Variants in OCA2 observed in about 807,000 individuals in gnomAD.
OCA2 encodes the protein OCA2 melanosomal transmembrane protein.
A neutral mutation model predicts 100.2 loss-of-function variants in OCA2; 77 were observed. That is an observed-to-expected ratio of 0.77 (90% CI 0.64 to 0.93). The LOEUF (loss-of-function observed/expected upper bound fraction) is 0.93, where lower values mean the gene tolerates loss of function less well. Ranked by LOEUF, OCA2 falls within the 40% of genes least tolerant of loss-of-function variation. OCA2 has a pLI of 0.00. For synonymous variants in OCA2, 432 were observed against 439.2 expected, an observed-to-expected ratio of 0.98 and a Z score of 0.21; for missense variants, 1,062 against 1,089.1, an observed-to-expected ratio of 0.98 and a Z score of 0.35.
At chr15:27,894,191 A>G (rs942078504) in intron 19 of OCA2, among the ~76,000 whole-genome samples, 7 of 152,146 alleles carry the variant, frequency 4.6e-5, no homozygotes, top group Non-Finnish European at 7.4e-5. Context: ...AGGTTCCCCA[A>G]TACTGTTTCA....
intron 19 of OCA2, among the ~76,000 whole-genome samples, chr15:27,899,278 G>A (rs1035728841): frequency 2.0e-5 from 3 of 152,078 alleles, no homozygotes; most frequent in Non-Finnish European, 2.9e-5. Flanking sequence ...GAATAAATTC[G>A]GGTTAAGCCA....
At chr15:28,094,120 TC>T (rs1048424413) in intron 1 of OCA2, among the ~76,000 whole-genome samples, 15 of 152,238 alleles carry the variant, frequency 9.9e-5, no homozygotes, top group African/African-American at 3.6e-4. Context: ...CCACAGCCTG[TC>T]CCTTAGGGGA....
intron 2 of OCA2, among the ~76,000 whole-genome samples, chr15:28,072,201 A>G (rs1255720381): frequency 6.6e-6 from 1 of 151,856 alleles, no homozygotes; most frequent in Non-Finnish European, 1.5e-5. Flanking sequence ...CCCCGTCTCT[A>G]CTAAAAATAC....
At chr15:27,946,316 C>T (rs1195587656) in intron 18 of OCA2, among the ~76,000 whole-genome samples, 1 of 152,164 alleles carries the variant, frequency 6.6e-6, no homozygotes, top group Non-Finnish European at 1.5e-5. Context: ...TGTGGATGAA[C>T]TGTAACCTAG....
intron 19 of OCA2, among the ~76,000 whole-genome samples, chr15:27,910,759 C>A (rs990781458): frequency 6.6e-6 from 1 of 151,298 alleles, no homozygotes; most frequent in African/African-American, 2.4e-5. Flanking sequence ...AGTTCGAGAC[C>A]AGCCTAACCA....
intron 9 of OCA2, among the ~76,000 whole-genome samples, chr15:27,997,842 C>A (rs546689533): frequency 7.6e-6 from 1 of 131,006 alleles, no homozygotes; most frequent in African/African-American, 2.7e-5. Context: ...TTTGTATTCT[C>A]TTTTATTTCA....
chr15:28,015,902 A>G (rs747800440), intron 8 of OCA2, among the ~76,000 whole-genome samples: 2 of 152,040 alleles, frequency 1.3e-5, no homozygotes, highest in Non-Finnish European at 2.9e-5. Context: ...TCTGCAGTCG[A>G]CCCTCTCACA....
chr15:27,984,991 C>A, intron 13 of OCA2, 73 bp downstream of exon 13: 1 of 1,581,784 alleles, frequency 6.3e-7, no homozygotes, highest in Non-Finnish European at 8.6e-7. Flanking sequence ...GAACCTGGAG[C>A]CAGGCAGTGC....
At chr15:27,876,915 G>C (rs2036815369) in intron 19 of OCA2, among the ~76,000 whole-genome samples, 1 of 151,600 alleles carries the variant, frequency 6.6e-6, no homozygotes, top group Non-Finnish European at 1.5e-5. Flanking sequence ...ATGGTTATTA[G>C]TTTCTTCTTC....
chr15:27,740,062 T>C, the OCA2 span, among the ~76,000 whole-genome samples: 246 of 152,336 alleles, frequency 1.6e-3, 2 homozygotes, highest in Admixed American at 3.5e-3. Context: ...AAATTGGATG[T>C]TGTCTTCCAC....
intron 19 of OCA2, among the ~76,000 whole-genome samples, chr15:27,903,543 C>A (rs2594905): frequency 0.2 from 29,815 of 152,192 alleles, 5,143 homozygotes; most frequent in African/African-American, 0.46. Context: ...GAGGCACTTT[C>A]TATTACTGAG....
chr15:27,987,642 T>C lies in OCA2; in HGVS notation c.1183-999A>G, dbSNP rs2140997538. Among the ~76,000 whole-genome samples the C allele has an allele frequency of 2.0e-5, 3 of 151,372 alleles. No individual in the cohort carries two copies. In the South Asian group the frequency reaches 6.3e-4, roughly 32 times the overall value. On this transcript the variant is annotated intron_variant, in intron 11 of 23. Coordinates refer to ENST00000354638, the MANE Select transcript of OCA2 (RefSeq NM_000275.3). ...TACTCAGGAGGCTGAGGCAGGAGAA[T>C]GGCATGAACCCAGGACGGGGAGCTT...
intron 19 of OCA2, among the ~76,000 whole-genome samples, chr15:27,892,329 G>T (rs760365037): frequency 5.9e-5 from 9 of 151,560 alleles, no homozygotes; most frequent in Admixed American, 1.3e-4. Context: ...AAAAAATTCC[G>T]CAAATGTAAA....
At chr15:27,737,590 A>G in the OCA2 span, among the ~76,000 whole-genome samples, 2,091 of 152,330 alleles carry the variant, frequency 0.014, 27 homozygotes, top group South Asian at 0.054. Context: ...CGTAAAAATA[A>G]TAAGACTAGC....
intron 23 of OCA2, among the ~76,000 whole-genome samples, chr15:27,758,581 C>G (rs2030577003): frequency 6.6e-6 from 1 of 152,068 alleles, no homozygotes; most frequent in African/African-American, 2.4e-5. Flanking sequence ...AATTCTTCAA[C>G]AAGCAATGAC....
At chr15:27,968,621 G>A (rs1441231494) in intron 14 of OCA2, among the ~76,000 whole-genome samples, 1 of 152,072 alleles carries the variant, frequency 6.6e-6, no homozygotes, top group Non-Finnish European at 1.5e-5. Context: ...ACAACTAGAG[G>A]CCATTATCAA....
At chr15:27,993,422 T>C (rs777688935) in intron 9 of OCA2, among the ~76,000 whole-genome samples, 23 of 152,310 alleles carry the variant, frequency 1.5e-4, no homozygotes, top group Non-Finnish European at 1.0e-4. Flanking sequence ...ACCTCCTCTC[T>C]CCTCGTGGGG....
intron 19 of OCA2, chr15:27,896,015 G>A (rs774586257): frequency 2.0e-6 from 2 of 1,020,028 alleles, no homozygotes; most frequent in African/African-American, 1.6e-5. Flanking sequence ...TGGCCTGCAG[G>A]CTTCTCAATA....
intron 19 of OCA2, among the ~76,000 whole-genome samples, chr15:27,887,774 T>C (rs1366980964): frequency 6.6e-6 from 1 of 151,274 alleles, no homozygotes; most frequent in African/African-American, 2.4e-5. Flanking sequence ...ACTCCCAACA[T>C]AGCAAGAGAA....
Sources: allele counts gnomAD v4.1 joint callset (sites outside exome capture counted in the v4.1 genomes callset), GRCh38; gene constraint gnomAD v4.1.1; transcripts MANE v1.5; gene names NCBI Gene and HGNC (gene_info 2026-07-23, HGNC 2026-07-21).